UBE2D2: variants seen among roughly 807,000 people sequenced by gnomAD.
The protein encoded by UBE2D2 is ubiquitin-conjugating enzyme E2 D2.
Under a neutral mutation model 24.2 loss-of-function variants are expected in UBE2D2, and 2 were observed. That is an observed-to-expected ratio of 0.08 (90% confidence interval 0.03 to 0.26). The LOEUF is 0.26. UBE2D2 is among the 10% of genes least tolerant of loss of function. UBE2D2 has a pLI of 1.00. For missense variants in UBE2D2, 44 were observed against 177.6 expected (o/e 0.25, Z 4.28); for synonymous variants, 58 against 56.5 (o/e 1.03, Z -0.12).
intron 2 of UBE2D2, among the ~76,000 whole-genome samples, chr5:139,601,794 C>T (rs1171752190): frequency 6.6e-6 from 1 of 151,592 alleles, no homozygotes; most frequent in Admixed American, 6.6e-5. Flanking sequence ...GCCTGTAATC[C>T]CACCTACTTG....
chr5:139,531,704 G>A (rs182062392), intron 1 of UBE2D2, among the ~76,000 whole-genome samples: 2 of 152,198 alleles, frequency 1.3e-5, no homozygotes, highest in East Asian at 1.9e-4. Context: ...GCACATGCCT[G>A]TAATCCCAGC....
Position 139,604,570 on chromosome 5 carries a change from A to G in UBE2D2, c.88+4135A>G, listed in dbSNP as rs1252793290. ...AAGATGCTCAACATCATTTGTCATT[A>G]GGGAAATACAAATCAAAACTACAGT... On this transcript the variant is annotated intron_variant, in intron 2 of 6. Coordinates refer to ENST00000398733, the MANE Select transcript of UBE2D2 (RefSeq NM_003339.3). Among the ~76,000 whole-genome samples the G allele has an allele frequency of 2.6e-5, 4 of 152,218 alleles. No homozygotes were observed. In the East Asian group the frequency reaches 7.7e-4, roughly 29 times the overall value.
intron 1 of UBE2D2, among the ~76,000 whole-genome samples, chr5:139,563,812 G>A (rs1050752368): frequency 6.6e-6 from 1 of 152,074 alleles, no homozygotes; most frequent in African/African-American, 2.4e-5. Flanking sequence ...GCGGGTTCCT[G>A]TAGTCCCAGC....
chr5:139,604,060 G>A (rs1389963536), intron 2 of UBE2D2, among the ~76,000 whole-genome samples: 1 of 151,768 alleles, frequency 6.6e-6, no homozygotes, highest in Admixed American at 6.6e-5. Flanking sequence ...CATCACGAAA[G>A]TGATAAAACA....
At chr5:139,617,795 CAAT>C in intron 5 of UBE2D2, among the ~76,000 whole-genome samples, 1 of 151,764 alleles carries the variant, frequency 6.6e-6, no homozygotes, top group Admixed American at 6.6e-5. Context: ...AGAAAAGGAA[CAAT>C]AATACATATT....
intron 2 of UBE2D2, among the ~76,000 whole-genome samples, chr5:139,603,944 C>T (rs962415534): frequency 2.6e-5 from 4 of 151,692 alleles, no homozygotes; most frequent in East Asian, 1.9e-4. Context: ...ACTGAAACTC[C>T]GTCTCAAAAA....
In UBE2D2 at chr5:139,561,788, C is replaced by T. The variant is rs752680283; in HGVS notation, c.-4C>T. ...CCGGGGGCCGCCGCCACCCGCCTCC[C>T]ACCATGGCTCTGAAGAGAATCCACA... On this transcript the variant is annotated 5_prime_UTR_variant, in exon 1 of 7. Coordinates refer to ENST00000398733, the MANE Select transcript of UBE2D2 (RefSeq NM_003339.3). 1.9e-5 allele frequency: 28 copies of T among 1,506,730 alleles called. No homozygotes were observed. In the African/African-American group the frequency reaches 3.7e-4, roughly 20 times the overall value. 93.3% of individuals were successfully genotyped at this position (1,506,730 alleles called of 1,614,324 possible).
At chr5:139,529,417 T>C (rs915562724) in intron 1 of UBE2D2, among the ~76,000 whole-genome samples, 3 of 152,172 alleles carry the variant, frequency 2.0e-5, no homozygotes, top group African/African-American at 7.2e-5. Context: ...GATGCAGTTC[T>C]CTAGATTGGA....
intron 1 of UBE2D2, among the ~76,000 whole-genome samples, chr5:139,579,560 G>A (rs1466179671): frequency 1.3e-5 from 2 of 152,084 alleles, no homozygotes; most frequent in Non-Finnish European, 2.9e-5. Context: ...AAAGTGCTGG[G>A]ATTACAGGCA....
intron 5 of UBE2D2, among the ~76,000 whole-genome samples, chr5:139,617,740 G>GCTAGAGACACATTGGC (rs1223896256): frequency 1.3e-5 from 2 of 151,994 alleles, no homozygotes; most frequent in East Asian, 3.9e-4. Flanking sequence ...ATTAAATGAG[G>GCTAGAGACACATTGGC]CTAGAGACAC....
At chr5:139,585,101 T>C (rs560434817) in intron 1 of UBE2D2, among the ~76,000 whole-genome samples, 63 of 151,804 alleles carry the variant, frequency 4.2e-4, no homozygotes, top group Non-Finnish European at 7.8e-4. Flanking sequence ...GGCTTCTCCA[T>C]GTTGGTTAGG....
Position 139,575,496 on chromosome 5 carries a change from AG to A in UBE2D2, c.24+13684del, listed in dbSNP as rs1278462589. Among the ~76,000 whole-genome samples the A allele has an allele frequency of 6.6e-5, 10 of 152,370 alleles. No individual in the cohort carries two copies. In the East Asian group the frequency reaches 1.9e-3, roughly 29 times the overall value. On this transcript the variant is annotated intron_variant, in intron 1 of 6. Coordinates refer to ENST00000398733, the MANE Select transcript of UBE2D2 (RefSeq NM_003339.3). Reference sequence around the variant, plus strand: ...TCTTATAATATTTCTAAACTAAAAAAGGGATTGAATCCCAGTATTCTTCAGC... The same window carrying A: ...TCTTATAATATTTCTAAACTAAAAAAGGATTGAATCCCAGTATTCTTCAGC...
At chr5:139,616,226 G>A (rs1417860413) in intron 5 of UBE2D2, among the ~76,000 whole-genome samples, 5 of 151,924 alleles carry the variant, frequency 3.3e-5, no homozygotes, top group African/African-American at 7.2e-5. Flanking sequence ...TTGGGAGGCC[G>A]AGGCAGGAGA....
intron 1 of UBE2D2, among the ~76,000 whole-genome samples, chr5:139,570,908 A>G (rs1471861754): frequency 6.6e-6 from 1 of 152,200 alleles, no homozygotes; most frequent in Non-Finnish European, 1.5e-5. Flanking sequence ...AGTGAAAGCA[A>G]GTTTATTAGG....
At chr5:139,621,257 C>A (rs374109941) in intron 5 of UBE2D2, among the ~76,000 whole-genome samples, 2 of 152,202 alleles carry the variant, frequency 1.3e-5, no homozygotes, top group African/African-American at 4.8e-5. Context: ...TAAATACATA[C>A]ATAAATAAAT....
At chr5:139,543,374 T>G (rs1174556540) in intron 1 of UBE2D2, among the ~76,000 whole-genome samples, 3 of 152,192 alleles carry the variant, frequency 2.0e-5, no homozygotes, top group African/African-American at 7.2e-5. Flanking sequence ...TGTTAGGGTG[T>G]CCTCCTTTCC....
chr5:139,544,959 T>C (rs542427208), intron 1 of UBE2D2, among the ~76,000 whole-genome samples: 199 of 152,090 alleles, frequency 1.3e-3, no homozygotes, highest in African/African-American at 3.7e-3. Flanking sequence ...TTTTGTACTT[T>C]TAGTAGAGAT....
upstream of UBE2D2, among the ~76,000 whole-genome samples, chr5:139,557,632 C>T (rs956065963): frequency 1.3e-5 from 2 of 151,816 alleles, no homozygotes; most frequent in African/African-American, 4.8e-5. Flanking sequence ...ACCTGTATCC[C>T]AGCTACTTGG....
chr5:139,558,646 T>C (rs561854460), upstream of UBE2D2, among the ~76,000 whole-genome samples: 2 of 152,172 alleles, frequency 1.3e-5, no homozygotes, highest in South Asian at 4.1e-4. Flanking sequence ...GACCCCACAT[T>C]TTTCAAAGAA....
Sources: allele counts gnomAD v4.1 joint callset (sites outside exome capture counted in the v4.1 genomes callset), GRCh38; gene constraint gnomAD v4.1.1; transcripts MANE v1.5; gene names NCBI Gene and HGNC (gene_info 2026-07-23, HGNC 2026-07-21).